CNTN5: variants seen among roughly 807,000 people sequenced by gnomAD.
CNTN5 encodes the protein contactin 5.
CNTN5 carries 77 observed loss-of-function variants against 129.1 expected under a neutral mutation model. That is an observed-to-expected ratio of 0.60 (90% CI 0.50 to 0.72). CNTN5 has a LOEUF of 0.72. Among genes scored for constraint, CNTN5 ranks in the 30% least tolerant of loss-of-function variants. CNTN5 has a pLI of 0.00. For synonymous variants in CNTN5, 509 were observed against 465.6 expected (o/e 1.09, Z -1.20); for missense variants, 1,478 against 1,328.8 (o/e 1.11, Z -1.75).
At chr11:99,286,706 C>A (rs1591471826) in intron 1 of CNTN5, among the ~76,000 whole-genome samples, 1 of 151,990 alleles carries the variant, frequency 6.6e-6, no homozygotes, top group East Asian at 1.9e-4. Context: ...ATGGAATAAT[C>A]CATAAAAATA....
chr11:99,535,654 G>A (rs188064293), intron 2 of CNTN5, among the ~76,000 whole-genome samples: 19 of 152,282 alleles, frequency 1.2e-4, no homozygotes, highest in Non-Finnish European at 5.9e-5. Context: ...GAGAAGTGTG[G>A]TTGGTTTGAA....
chr11:99,257,211 G>A (rs1047302328), intron 1 of CNTN5, among the ~76,000 whole-genome samples: 10 of 152,086 alleles, frequency 6.6e-5, no homozygotes, highest in Non-Finnish European at 1.2e-4. Context: ...ATTGTTTGCA[G>A]AGCATCTTCA....
chr11:99,310,076 G>A (rs1865045063), intron 1 of CNTN5, among the ~76,000 whole-genome samples: 1 of 152,000 alleles, frequency 6.6e-6, no homozygotes, highest in Non-Finnish European at 1.5e-5. Flanking sequence ...ATTGTTTCAT[G>A]GTGTACAGGT....
intron 21 of CNTN5, among the ~76,000 whole-genome samples, chr11:100,338,771 C>T (rs1307842573): frequency 1.3e-5 from 2 of 152,310 alleles, no homozygotes; most frequent in East Asian, 3.9e-4. Context: ...ATGTGGGACC[C>T]ATGGCAGTGC....
chr11:99,951,013 G>T (rs1950660925), intron 7 of CNTN5, among the ~76,000 whole-genome samples: 2 of 152,040 alleles, frequency 1.3e-5, no homozygotes, highest in Admixed American at 6.6e-5. Flanking sequence ...TATTTCTGTA[G>T]AACTAATTTT....
intron 9 of CNTN5, among the ~76,000 whole-genome samples, chr11:100,042,213 G>A (rs1458789354): frequency 6.8e-6 from 1 of 147,312 alleles, no homozygotes; most frequent in Non-Finnish European, 1.5e-5. Context: ...TAGTGGTTTA[G>A]TTTTGTTCTC....
chr11:99,829,482 TA>T, intron 4 of CNTN5, among the ~76,000 whole-genome samples: 1 of 152,234 alleles, frequency 6.6e-6, no homozygotes, highest in South Asian at 2.1e-4. Context: ...AGTCAATGAA[TA>T]AAAACTTCTG....
intron 3 of CNTN5, among the ~76,000 whole-genome samples, chr11:99,747,768 G>A (rs546718199): frequency 2.1e-4 from 32 of 152,060 alleles, no homozygotes; most frequent in African/African-American, 6.8e-4. Flanking sequence ...CACGGCACCC[G>A]GCCGGCCAGC....
At chr11:99,155,223 C>G (rs560977710) in intron 1 of CNTN5, among the ~76,000 whole-genome samples, 73 of 152,244 alleles carry the variant, frequency 4.8e-4, no homozygotes, top group Middle Eastern at 3.4e-3. Context: ...TCTGTGTCCT[C>G]GCTCCATTTA....
chr11:99,886,736 A>AT (rs1948911034), intron 6 of CNTN5, among the ~76,000 whole-genome samples: 1 of 152,232 alleles, frequency 6.6e-6, no homozygotes, highest in Admixed American at 6.5e-5. Flanking sequence ...ATATGTTAAT[A>AT]TGTTACAGCA....
intron 1 of CNTN5, among the ~76,000 whole-genome samples, chr11:99,145,305 A>G (rs11606869): frequency 0.34 from 52,305 of 151,728 alleles, 9,690 homozygotes; most frequent in East Asian, 0.73. Context: ...CCTGGACTCA[A>G]ATGATTCACC....
intron 10 of CNTN5, among the ~76,000 whole-genome samples, chr11:100,068,137 T>G (rs901482140): frequency 2.6e-5 from 4 of 152,156 alleles, no homozygotes; most frequent in African/African-American, 9.7e-5. Flanking sequence ...AATCAGTTAT[T>G]ATAGGTAGGA....
chr11:100,019,691 T>C (rs1941025739), intron 9 of CNTN5, among the ~76,000 whole-genome samples: 1 of 152,044 alleles, frequency 6.6e-6, no homozygotes, highest in African/African-American at 2.4e-5. Flanking sequence ...TTCAATTCTT[T>C]TGGATATATA....
chr11:99,455,450 T>TTA (rs1944462514), intron 2 of CNTN5, among the ~76,000 whole-genome samples: 1 of 150,860 alleles, frequency 6.6e-6, no homozygotes, highest in East Asian at 1.9e-4. Context: ...TTTTTTTTTT[T>TTA]AAAAAAAACA....
intron 2 of CNTN5, among the ~76,000 whole-genome samples, chr11:99,541,282 G>T (rs917663329): frequency 5.9e-5 from 9 of 152,126 alleles, no homozygotes; most frequent in Non-Finnish European, 1.3e-4. Context: ...ACTGTATTTT[G>T]TGTTATGAAG....
chr11:99,648,653 A>T (rs1420377278), intron 3 of CNTN5, among the ~76,000 whole-genome samples: 2 of 151,926 alleles, frequency 1.3e-5, no homozygotes, highest in African/African-American at 2.4e-5. Flanking sequence ...CAAAATATGG[A>T]ATCAACCCAA....
At chr11:99,485,982 C>T (rs1013026932) in intron 2 of CNTN5, among the ~76,000 whole-genome samples, 2 of 152,034 alleles carry the variant, frequency 1.3e-5, no homozygotes, top group Non-Finnish European at 2.9e-5. Flanking sequence ...AATACGCTTA[C>T]AATTAATATG....
Position 99,300,327 on chromosome 11 carries a change from G to A in CNTN5, c.-209-25019G>A, listed in dbSNP as rs187451253. Among the ~76,000 whole-genome samples the A allele has an allele frequency of 2.0e-4, 30 of 152,150 alleles. No individual in the cohort carries two copies. In the East Asian group the frequency reaches 5.0e-3, roughly 25 times the overall value. On this transcript the variant is annotated intron_variant, in intron 1 of 24. Coordinates refer to ENST00000524871, the MANE Select transcript of CNTN5 (RefSeq NM_014361.4). ...CTTGTTTGTTGATAATTTTTATCATGAGAGATGCTGTATTTTATCTAATGC... is the reference window on the plus strand; with the variant it reads ...CTTGTTTGTTGATAATTTTTATCATAAGAGATGCTGTATTTTATCTAATGC...
chr11:99,970,349 C>A (rs1951215745), intron 8 of CNTN5, among the ~76,000 whole-genome samples: 1 of 152,168 alleles, frequency 6.6e-6, no homozygotes, highest in African/African-American at 2.4e-5. Context: ...TTATTGAATG[C>A]AAATTCACAA....
Sources: gnomAD v4.1 joint callset for allele counts (sites outside exome capture counted in the v4.1 genomes callset) on GRCh38, gnomAD v4.1.1 for gene constraint, MANE v1.5 for transcripts, NCBI Gene and HGNC (gene_info 2026-07-23, HGNC 2026-07-21) for gene names.